The following DGKB variants were observed in gnomAD, a reference collection of about 807,000 sequenced individuals.
The protein encoded by DGKB is 90 kDa diacylglycerol kinase.
Under a neutral mutation model 114.3 loss-of-function variants are expected in DGKB, and 67 were observed. The ratio of observed to expected loss-of-function variants is 0.59; its 90% CI spans 0.48 to 0.72. The LOEUF is 0.72. Among genes scored for constraint, DGKB ranks in the 30% least tolerant of loss-of-function variants. DGKB has a pLI of 0.00. For missense variants in DGKB, 907 were observed against 975.2 expected (o/e 0.93, Z 0.93); for synonymous variants, 398 against 323.1 (o/e 1.23, Z -2.49).
chr7:14,949,753 C>T lies in DGKB; in HGVS notation c.-188+24943G>A, dbSNP rs144772798. Among the ~76,000 whole-genome samples, 769 of 151,940 alleles carry T rather than the reference C, an allele frequency of 5.1e-3. 11 individuals carry two copies. Among genetic ancestry groups the T allele is most frequent in the African/African-American group, 0.018 (747 of 41,472 alleles). On this transcript the variant is annotated intron_variant, in intron 1 of 4. Coordinates refer to the DGKB transcript ENST00000437998. Reference sequence around the variant, plus strand: ...TTAAGAAAATGTGGCACATATACACCATGGAATACTATGCAGCCATATAAA... The same window carrying T: ...TTAAGAAAATGTGGCACATATACACTATGGAATACTATGCAGCCATATAAA...
At chr7:14,972,979 T>C (rs368499870) in intron 1 of DGKB, among the ~76,000 whole-genome samples, 6 of 152,068 alleles carry the variant, frequency 3.9e-5, no homozygotes, top group Non-Finnish European at 7.4e-5. Context: ...GCTTGTATTA[T>C]ATGATAAAAA....
chr7:14,952,560 A>T (rs1375563000), intron 1 of DGKB, among the ~76,000 whole-genome samples: 1 of 151,896 alleles, frequency 6.6e-6, no homozygotes, highest in African/African-American at 2.4e-5. Flanking sequence ...AAAAAAATAC[A>T]GCCTGAGCAA....
At chr7:14,959,378 G>GTT (rs71549904) in intron 1 of DGKB, among the ~76,000 whole-genome samples, 1 of 145,952 alleles carries the variant, frequency 6.9e-6, no homozygotes, top group Non-Finnish European at 1.5e-5. Flanking sequence ...GTGAAATAGA[G>GTT]TTTTTTTTTT....
intron 1 of DGKB, among the ~76,000 whole-genome samples, chr7:14,960,801 T>A (rs745735608): frequency 3.9e-5 from 6 of 152,114 alleles, no homozygotes; most frequent in Non-Finnish European, 5.9e-5. Flanking sequence ...TACTTTGTAC[T>A]GTGAATACAT....
chr7:14,340,699 T>G (rs1465357073), intron 22 of DGKB, among the ~76,000 whole-genome samples: 2 of 151,718 alleles, frequency 1.3e-5, no homozygotes, highest in Non-Finnish European at 2.9e-5. Flanking sequence ...ACGAAAAAGA[T>G]GATAAATATG....
At chr7:14,435,586 C>G (rs1398470999) in intron 21 of DGKB, among the ~76,000 whole-genome samples, 1 of 152,026 alleles carries the variant, frequency 6.6e-6, no homozygotes, top group African/African-American at 2.4e-5. Flanking sequence ...ACTACAAGAA[C>G]CATTGACATT....
At chr7:14,805,951 T>A (rs2128063316) in intron 2 of DGKB, among the ~76,000 whole-genome samples, 1 of 151,352 alleles carries the variant, frequency 6.6e-6, no homozygotes, top group African/African-American at 2.4e-5. Context: ...TTTCAGATTA[T>A]TCTAACTTTG....
intron 13 of DGKB, among the ~76,000 whole-genome samples, chr7:14,642,353 T>C (rs1303995129): frequency 6.6e-6 from 1 of 152,168 alleles, no homozygotes; most frequent in Non-Finnish European, 1.5e-5. Flanking sequence ...CCATCCTTTT[T>C]CTTTATTTTT....
At chr7:14,601,357 C>A (rs1185943136) in intron 17 of DGKB, among the ~76,000 whole-genome samples, 2 of 152,026 alleles carry the variant, frequency 1.3e-5, no homozygotes, top group Non-Finnish European at 2.9e-5. Flanking sequence ...ATGGGAGTGG[C>A]AGCCTTGAAG....
chr7:14,383,145 A>G lies in DGKB; in HGVS notation c.1836-37754T>C, dbSNP rs1245899195. On this transcript the variant is annotated intron_variant, in intron 21 of 25. Coordinates refer to ENST00000402815, the MANE Select transcript of DGKB (RefSeq NM_001350709.2). The stretch of plus-strand genomic sequence containing the variant: ...TGCTTTTTGTTTTTCTATTTTCAAT[A>G]GTATCTCCTGTTTATAATGGATTGT... Among the ~76,000 whole-genome samples, 3 of 152,196 alleles carry G rather than the reference A, an allele frequency of 2.0e-5. No homozygotes were observed. In the East Asian group the frequency reaches 5.8e-4, roughly 29 times the overall value.
intron 20 of DGKB, among the ~76,000 whole-genome samples, chr7:14,515,721 T>C (rs1256286163): frequency 6.6e-6 from 1 of 152,244 alleles, no homozygotes; most frequent in African/African-American, 2.4e-5. Context: ...CCTTCATCAC[T>C]AAATTATTTG....
chr7:14,539,564 T>C (rs141903541), intron 20 of DGKB, among the ~76,000 whole-genome samples: 14 of 152,288 alleles, frequency 9.2e-5, no homozygotes, highest in African/African-American at 3.4e-4. Flanking sequence ...GTTTTAATGC[T>C]GAAACATGAA....
rs952804710 is a variant in DGKB, at chr7:14,146,734, T to C, written c.*2397A>G. On this transcript the variant is annotated 3_prime_UTR_variant, in exon 26 of 26. Transcript: ENST00000402815. ...TGAGAAAAGTCAAATTGGATTCCTA[T>C]TTGAACATTTATTATGGGTACCAAA... The C allele has an allele frequency of 6.6e-6, 1 of 152,122 alleles. No individual in the cohort carries two copies. The highest frequency in any genetic ancestry group is 6.5e-5 in the Admixed American group (1 of 15,268). The allele number at this position is 152,122 out of a possible 1,614,324, so 9.4% of individuals were successfully genotyped here.
At chr7:14,839,767 AATATC>A (rs974385425) in intron 2 of DGKB, among the ~76,000 whole-genome samples, 5 of 151,600 alleles carry the variant, frequency 3.3e-5, no homozygotes, top group African/African-American at 1.2e-4. Context: ...AAAATTTCCA[AATATC>A]ATATATTTTG....
intron 23 of DGKB, among the ~76,000 whole-genome samples, chr7:14,229,823 C>T (rs941264705): frequency 3.3e-5 from 5 of 151,798 alleles, no homozygotes. Flanking sequence ...ATATTCCGTC[C>T]ATGCCAAGAT....
chr7:14,817,607 C>T (rs1341070161), intron 2 of DGKB, among the ~76,000 whole-genome samples: 5 of 152,126 alleles, frequency 3.3e-5, no homozygotes, highest in African/African-American at 7.2e-5. Context: ...CATATATATG[C>T]TTCTACAGTA....
chr7:14,847,671 A>T (rs2128151813), intron 1 of DGKB, among the ~76,000 whole-genome samples: 1 of 152,326 alleles, frequency 6.6e-6, no homozygotes, highest in Admixed American at 6.5e-5. Flanking sequence ...CCATAAATAA[A>T]TGCAAACTGT....
At chr7:14,823,081 A>G (rs566162229) in intron 2 of DGKB, among the ~76,000 whole-genome samples, 8 of 151,946 alleles carry the variant, frequency 5.3e-5, no homozygotes, top group African/African-American at 1.9e-4. Flanking sequence ...CATCTCATAC[A>G]ATTACAAAGA....
chr7:14,432,413 C>A (rs972418232), intron 21 of DGKB, among the ~76,000 whole-genome samples: 1 of 152,176 alleles, frequency 6.6e-6, no homozygotes, highest in Admixed American at 6.6e-5. Context: ...ATGTCTGTAG[C>A]ACTTTTCCAC....
Sources: gnomAD v4.1 joint callset for allele counts (sites outside exome capture counted in the v4.1 genomes callset) on GRCh38, gnomAD v4.1.1 for gene constraint, MANE v1.5 for transcripts, NCBI Gene and HGNC (gene_info 2026-07-23, HGNC 2026-07-21) for gene names.